ZNF475: variants seen among roughly 807,000 people sequenced by gnomAD.
The protein encoded by ZNF475 is zinc finger protein 475.
the ZNF475 span, among the ~76,000 whole-genome samples, chr5:122,166,798 T>C: frequency 3.2e-4 from 49 of 152,346 alleles, no homozygotes; most frequent in African/African-American, 1.1e-3. Flanking sequence ...GCAATAAACA[T>C]ACGTGTGCAT....
the ZNF475 span, among the ~76,000 whole-genome samples, chr5:122,175,064 T>C: frequency 1.3e-5 from 2 of 152,192 alleles, no homozygotes; most frequent in Non-Finnish European, 2.9e-5. Flanking sequence ...TTTTGATAAA[T>C]GTAGACAGTT....
the ZNF475 span, among the ~76,000 whole-genome samples, chr5:122,173,855 C>A: frequency 6.6e-6 from 1 of 152,294 alleles, no homozygotes; most frequent in Middle Eastern, 3.4e-3. Context: ...TAAAAAAAGT[C>A]TTTTACCTTG....
At chr5:122,164,689 T>A in the ZNF475 span, among the ~76,000 whole-genome samples, 1 of 152,172 alleles carries the variant, frequency 6.6e-6, no homozygotes, top group African/African-American at 2.4e-5. Flanking sequence ...AACCTTCTGA[T>A]AATTTTTAAG....
chr5:122,178,450 G>T, the ZNF475 span, among the ~76,000 whole-genome samples: 1 of 152,180 alleles, frequency 6.6e-6, no homozygotes, highest in South Asian at 2.1e-4. Context: ...ACTGGCATGA[G>T]CTAGTATCTC....
the ZNF475 span, among the ~76,000 whole-genome samples, chr5:122,173,460 T>A: frequency 6.6e-6 from 1 of 152,214 alleles, no homozygotes; most frequent in South Asian, 2.1e-4. Context: ...TTTATTTCAA[T>A]CAGTAACAAT....
At chr5:122,168,017 G>A in the ZNF475 span, among the ~76,000 whole-genome samples, 11 of 152,052 alleles carry the variant, frequency 7.2e-5, no homozygotes, top group African/African-American at 2.7e-4. Flanking sequence ...TCTATTTATG[G>A]ATGTTTCCAG....
the ZNF475 span, chr5:122,180,143 TG>T: frequency 6.5e-6 from 1 of 152,840 alleles, no homozygotes; most frequent in Non-Finnish European, 1.5e-5. Flanking sequence ...TGTGTCTTGG[TG>T]TTCATAGAGC....
At chr5:122,173,873 A>G in the ZNF475 span, among the ~76,000 whole-genome samples, 1 of 152,230 alleles carries the variant, frequency 6.6e-6, no homozygotes. Context: ...TTGATGTTAG[A>G]AAAGTAATGC....
At chr5:122,182,234 G>C in the ZNF475 span, among the ~76,000 whole-genome samples, 6 of 152,234 alleles carry the variant, frequency 3.9e-5, no homozygotes, top group African/African-American at 1.4e-4. Context: ...TCCAAAGAGT[G>C]AAAAGCCTCT....
the ZNF475 span, chr5:122,160,284 T>C: frequency 6.2e-6 from 8 of 1,289,544 alleles, no homozygotes; most frequent in Non-Finnish European, 8.1e-6. Context: ...AGTTCTCTTC[T>C]ACATTGTTGG....
the ZNF475 span, among the ~76,000 whole-genome samples, chr5:122,163,961 T>TC: frequency 2.6e-5 from 4 of 152,176 alleles, no homozygotes; most frequent in African/African-American, 2.4e-5. Flanking sequence ...CTTTTTTTTT[T>TC]TCTCTCTAAA....
the ZNF475 span, among the ~76,000 whole-genome samples, chr5:122,169,128 A>T: frequency 6.6e-6 from 1 of 152,188 alleles, no homozygotes; most frequent in Non-Finnish European, 1.5e-5. Flanking sequence ...TGGGCATTAT[A>T]GCTTTCATGT....
chr5:122,180,306 C>T, the ZNF475 span, among the ~76,000 whole-genome samples: 7 of 152,212 alleles, frequency 4.6e-5, no homozygotes, highest in African/African-American at 1.4e-4. Flanking sequence ...TGCCCAGTTC[C>T]AGCTGGCGTT....
At chr5:122,171,921 T>A in the ZNF475 span, among the ~76,000 whole-genome samples, 2 of 152,084 alleles carry the variant, frequency 1.3e-5, no homozygotes, top group East Asian at 3.9e-4. Context: ...ATATTTTTTG[T>A]AGAGATGGGG....
chr5:122,161,477 T>A, the ZNF475 span, among the ~76,000 whole-genome samples: 1 of 152,168 alleles, frequency 6.6e-6, no homozygotes, highest in Admixed American at 6.5e-5. Flanking sequence ...TTAAAAAATA[T>A]CTTAAAGTTA....
the ZNF475 span, among the ~76,000 whole-genome samples, chr5:122,180,838 G>A: frequency 3.3e-5 from 5 of 152,156 alleles, no homozygotes; most frequent in Admixed American, 3.3e-4. Flanking sequence ...TACTCACAGT[G>A]CTTGTCAAAA....
the ZNF475 span, chr5:122,160,355 G>A: frequency 1.9e-6 from 2 of 1,045,904 alleles, no homozygotes; most frequent in Non-Finnish European, 2.6e-6. Flanking sequence ...ATATGTGTGT[G>A]TCGAAGGTGG....
the ZNF475 span, chr5:122,160,217 A>G: frequency 1.6e-6 from 2 of 1,289,802 alleles, no homozygotes; most frequent in Non-Finnish European, 2.0e-6. Context: ...TCAGGGCAGC[A>G]TTCTATGATC....
the ZNF475 span, among the ~76,000 whole-genome samples, chr5:122,176,540 T>C: frequency 6.6e-6 from 1 of 152,206 alleles, no homozygotes; most frequent in Non-Finnish European, 1.5e-5. Context: ...CCTGGGTTCC[T>C]AAAATGGTAG....
Sources: gnomAD v4.1 joint callset for allele counts (sites outside exome capture counted in the v4.1 genomes callset) on GRCh38, gnomAD v4.1.1 for gene constraint, MANE v1.5 for transcripts, NCBI Gene and HGNC (gene_info 2026-07-23, HGNC 2026-07-21) for gene names.